Variants in SHISA6 observed in about 807,000 individuals in gnomAD.
The protein encoded by SHISA6 is protein shisa-6.
A neutral mutation model predicts 47.9 loss-of-function variants in SHISA6; 22 were observed. That is an observed-to-expected ratio of 0.46 (90% confidence interval 0.33 to 0.66). SHISA6 has a LOEUF of 0.66. SHISA6 is among the 30% of genes least tolerant of loss of function. SHISA6 has a pLI of 0.02. For missense variants in SHISA6, 680 were observed against 764.6 expected (o/e 0.89, Z 1.30); for synonymous variants, 388 against 337.8 (o/e 1.15, Z -1.63).
rs1908326775 is a variant in SHISA6 at position 11,263,650 on chromosome 17, G to A, written c.799+124G>A. 3.9e-6 allele frequency: 5 copies of A among 1,267,016 alleles called. No homozygotes were observed. The South Asian group carries it at 7.4e-5, about 19-fold the overall frequency. The allele number at this position is 1,267,016 out of a possible 1,614,324, so 78.5% of individuals were successfully genotyped here. A position where few individuals can be genotyped will look rare whatever the true frequency, so the allele number is the denominator to read the frequency against. On this transcript the variant is annotated intron_variant, in intron 2 of 5. Transcript: ENST00000441885. ...GATGAGGGACTCTCATGGACAGGCAGGCTGGCAAAAGATTTTTGGGACTCT... is the reference window on the plus strand; with the variant it reads ...GATGAGGGACTCTCATGGACAGGCAAGCTGGCAAAAGATTTTTGGGACTCT...
At chr17:11,400,040 A>G (rs140112796) in intron 3 of SHISA6, among the ~76,000 whole-genome samples, 14 of 152,188 alleles carry the variant, frequency 9.2e-5, no homozygotes, top group African/African-American at 2.9e-4. Flanking sequence ...TACCTTCTGT[A>G]TCTTCTTTTC....
chr17:11,293,608 C>G (rs149020793), intron 2 of SHISA6, among the ~76,000 whole-genome samples: 1 of 152,054 alleles, frequency 6.6e-6, no homozygotes, highest in Non-Finnish European at 1.5e-5. Context: ...CAGAAATTCC[C>G]AAATGGGAGG....
chr17:11,341,326 CTCTTTTTTTTT>C (rs1911520476), intron 2 of SHISA6, among the ~76,000 whole-genome samples: 1 of 132,506 alleles, frequency 7.5e-6, no homozygotes, highest in Non-Finnish European at 1.6e-5. Context: ...TTCTCTCTCT[CTCTTTTTTTTT>C]TTTTTTTTTT....
chr17:11,408,345 A>C (rs1050060988), intron 3 of SHISA6, among the ~76,000 whole-genome samples: 1 of 152,150 alleles, frequency 6.6e-6, no homozygotes, highest in South Asian at 2.1e-4. Flanking sequence ...TAGAAGTGCA[A>C]ATTCTTGGGC....
chr17:11,334,843 T>A (rs1054419682), intron 2 of SHISA6, among the ~76,000 whole-genome samples: 10 of 152,210 alleles, frequency 6.6e-5, no homozygotes, highest in Non-Finnish European at 1.3e-4. Context: ...CGGAAGACCC[T>A]CTGCAGTATC....
chr17:11,461,948 T>C (rs1016530322), intron 3 of SHISA6, among the ~76,000 whole-genome samples: 1 of 152,180 alleles, frequency 6.6e-6, no homozygotes, highest in Non-Finnish European at 1.5e-5. Context: ...AATTTAAAAA[T>C]ATAGTTAATA....
intron 3 of SHISA6, among the ~76,000 whole-genome samples, chr17:11,473,229 T>C (rs2142323624): frequency 6.6e-6 from 1 of 152,352 alleles, no homozygotes; most frequent in South Asian, 2.1e-4. Context: ...GTCATTGCCA[T>C]ACCCAAGGTC....
chr17:11,531,349 C>G (rs778301616), intron 3 of SHISA6, among the ~76,000 whole-genome samples: 3 of 151,826 alleles, frequency 2.0e-5, no homozygotes, highest in Non-Finnish European at 4.4e-5. Flanking sequence ...ATGAGCATTT[C>G]AGTTTAAACA....
intron 3 of SHISA6, among the ~76,000 whole-genome samples, chr17:11,490,872 T>C (rs1916458147): frequency 6.6e-6 from 1 of 152,226 alleles, no homozygotes; most frequent in Non-Finnish European, 1.5e-5. Flanking sequence ...GATGACTCAA[T>C]GAAGAGAAAG....
At chr17:11,487,784 C>G (rs1413282225) in intron 3 of SHISA6, among the ~76,000 whole-genome samples, 1 of 152,102 alleles carries the variant, frequency 6.6e-6, no homozygotes. Context: ...TGCATTGCCC[C>G]CTCCCGAGAA....
At chr17:11,260,610 A>G (rs754904397) in intron 1 of SHISA6, among the ~76,000 whole-genome samples, 3 of 149,494 alleles carry the variant, frequency 2.0e-5, no homozygotes, top group Non-Finnish European at 4.5e-5. Context: ...TGCTCTTCCT[A>G]CCTGCTTGCC....
In SHISA6 at chr17:11,319,073, T is replaced by C. The variant is rs904016539; in HGVS notation, c.799+55547T>C. 5.7e-5 allele frequency among the ~76,000 whole-genome samples: 5 copies of C among 87,726 alleles called. No homozygotes were observed. The South Asian group carries it at 1.0e-3, about 18-fold the overall frequency. The allele number at this position is 87,726 out of a possible 152,430, so 57.6% of individuals were successfully genotyped here. ...TTTCTAAGACCTGTATTTCTTCTTA[T>C]GTTTTTTTTTTTTTTTTTTCCTTGA... On this transcript the variant is annotated intron_variant, in intron 2 of 5. Coordinates refer to ENST00000441885, the MANE Select transcript of SHISA6 (RefSeq NM_207386.4).
intron 2 of SHISA6, among the ~76,000 whole-genome samples, chr17:11,311,288 A>AT (rs2142186928): frequency 7.1e-6 from 1 of 141,304 alleles, no homozygotes; most frequent in Non-Finnish European, 1.5e-5. Flanking sequence ...TCAAAAAAAA[A>AT]AAAAAAAAAA....
At chr17:11,441,858 T>C (rs1915102741) in intron 3 of SHISA6, among the ~76,000 whole-genome samples, 1 of 152,168 alleles carries the variant, frequency 6.6e-6, no homozygotes, top group Admixed American at 6.5e-5. Flanking sequence ...TATTTGAAAC[T>C]TCCAAGGGGG....
intron 1 of SHISA6, among the ~76,000 whole-genome samples, chr17:11,249,394 T>C (rs1907718196): frequency 6.6e-6 from 1 of 152,158 alleles, no homozygotes; most frequent in Non-Finnish European, 1.5e-5. Context: ...AATATAGCTC[T>C]GCAAGCCACG....
intron 3 of SHISA6, among the ~76,000 whole-genome samples, chr17:11,411,307 C>T (rs1378776116): frequency 6.6e-6 from 1 of 151,912 alleles, no homozygotes; most frequent in Non-Finnish European, 1.5e-5. Context: ...CTTGATCTCT[C>T]TCTCACTAAC....
At chr17:11,312,837 A>G (rs1437284500) in intron 2 of SHISA6, among the ~76,000 whole-genome samples, 3 of 152,192 alleles carry the variant, frequency 2.0e-5, no homozygotes, top group Admixed American at 6.5e-5. Flanking sequence ...TTTTTTAAAA[A>G]CAATATATAT....
intron 3 of SHISA6, among the ~76,000 whole-genome samples, chr17:11,418,605 TGTAAA>T (rs1197958690): frequency 2.6e-5 from 4 of 152,154 alleles, no homozygotes; most frequent in Admixed American, 1.3e-4. Context: ...CTTTGCAAAC[TGTAAA>T]GTGCTATCTA....
At chr17:11,242,162 G>C in intron 1 of SHISA6, 102 bp downstream of exon 1, 1 of 1,439,448 alleles carries the variant, frequency 6.9e-7, no homozygotes, top group East Asian at 2.5e-5. Context: ...CACCTCCCCA[G>C]GCCCTCTAGT....
Sources: allele counts gnomAD v4.1 joint callset (sites outside exome capture counted in the v4.1 genomes callset), GRCh38; gene constraint gnomAD v4.1.1; transcripts MANE v1.5; gene names NCBI Gene and HGNC (gene_info 2026-07-23, HGNC 2026-07-21).